CFAP47: variants seen among roughly 807,000 people sequenced by gnomAD.
CFAP47 encodes cilia and flagella associated protein 47.
A neutral mutation model predicts 148.1 loss-of-function variants in CFAP47; 29 were observed. That is an observed-to-expected ratio of 0.20 (90% confidence interval 0.15 to 0.27). CFAP47 has a LOEUF of 0.27. Among genes scored for constraint, CFAP47 ranks in the 10% least tolerant of loss-of-function variants. The probability of loss-of-function intolerance (pLI) is 1.00; values close to 1 mark genes in which losing one functional copy is unlikely to be tolerated. For synonymous variants in CFAP47, 664 were observed against 577.3 expected (o/e 1.15, Z -2.15); for missense variants, 1,872 against 1,697.5 (o/e 1.10, Z -1.81).
chrX:36,238,827 T>C (rs1416654600), intron 48 of CFAP47, among the ~76,000 whole-genome samples: 1 of 111,748 alleles, frequency 8.9e-6, no homozygotes, highest in Admixed American at 9.5e-5. Flanking sequence ...ATCATCTAAA[T>C]ACAAATACCA....
chrX:35,955,957 A>G lies in CFAP47; in HGVS notation c.1175-4A>G. ...ATGTTCAACAGCTATTATTGCTTTT[A>G]CAGGTGAACGATTTCAGAAAGTGGA... is the stretch of plus-strand genomic sequence containing the variant. On this transcript the variant is annotated splice_region_variant and splice_polypyrimidine_tract_variant and intron_variant, in intron 7 of 63. Coordinates refer to ENST00000378653, the MANE Select transcript of CFAP47 (RefSeq NM_001304548.2). 8.3e-7 allele frequency: 1 copy of G among 1,209,578 alleles called. No individual in the cohort carries two copies. The highest frequency in any genetic ancestry group is 2.2e-5 in the Admixed American group (1 of 45,752).
At chrX:36,307,923 C>T (rs147816439) in intron 55 of CFAP47, among the ~76,000 whole-genome samples, 687 of 111,726 alleles carry the variant, frequency 6.1e-3, no homozygotes, top group African/African-American at 0.021. Flanking sequence ...AGGAGACAAA[C>T]AGTGATCCTT....
intron 57 of CFAP47, among the ~76,000 whole-genome samples, chrX:36,333,380 A>T (rs1188112836): frequency 9.0e-6 from 1 of 110,666 alleles, no homozygotes; most frequent in Non-Finnish European, 1.9e-5. Context: ...CTTCCCTGAG[A>T]AGATACTTCT....
At chrX:35,938,550 G>C (rs1935951522) in intron 2 of CFAP47, among the ~76,000 whole-genome samples, 1 of 111,002 alleles carries the variant, frequency 9.0e-6, no homozygotes, top group African/African-American at 3.3e-5. Flanking sequence ...ATAATCAGAT[G>C]AATGGAGCAT....
At chrX:36,358,668 G>A (rs782450000) in intron 60 of CFAP47, among the ~76,000 whole-genome samples, 3 of 111,488 alleles carry the variant, frequency 2.7e-5, no homozygotes, top group South Asian at 3.8e-4. Context: ...GCATTGTCTC[G>A]CTCTTTTCTA....
chrX:36,185,768 A>G (rs1466228265), intron 40 of CFAP47, among the ~76,000 whole-genome samples: 1 of 111,434 alleles, frequency 9.0e-6, no homozygotes, highest in African/African-American at 3.3e-5. Flanking sequence ...TGGCTTGTAG[A>G]TGGCTGCCAT....
intron 16 of CFAP47, chrX:35,989,664 T>C: frequency 5.5e-6 from 5 of 905,337 alleles, no homozygotes; most frequent in Non-Finnish European, 7.4e-6. Flanking sequence ...ACAAAAAGTA[T>C]TTTCAGAGAA....
intron 49 of CFAP47, among the ~76,000 whole-genome samples, chrX:36,255,487 G>A (rs1462459253): frequency 9.0e-6 from 1 of 111,415 alleles, no homozygotes; most frequent in African/African-American, 3.3e-5. Flanking sequence ...TCACAGTACT[G>A]TGTTGATCAG....
At chrX:36,068,055 A>G (rs1937673950) in intron 27 of CFAP47, among the ~76,000 whole-genome samples, 1 of 112,000 alleles carries the variant, frequency 8.9e-6, no homozygotes. Context: ...AAGACCACAC[A>G]TGTTAGCAAG....
intron 61 of CFAP47, among the ~76,000 whole-genome samples, chrX:36,365,119 C>T (rs1193807266): frequency 9.3e-6 from 1 of 107,741 alleles, no homozygotes; most frequent in African/African-American, 3.3e-5. Flanking sequence ...GTTCTTGAAA[C>T]AATGGTCTTG....
chrX:36,001,492 T>C, intron 20 of CFAP47, 121 bp from the exon 21 acceptor site: 1 of 265,863 alleles, frequency 3.8e-6, no homozygotes, highest in Non-Finnish European at 6.7e-6. Context: ...TCAATTTTGC[T>C]AATTAGAATC....
chrX:36,018,448 A>G (rs1162202516), intron 22 of CFAP47, among the ~76,000 whole-genome samples: 2 of 111,940 alleles, frequency 1.8e-5, no homozygotes, highest in Non-Finnish European at 3.8e-5. Context: ...ATCTTAGAGG[A>G]AGGCTTTCAG....
intron 39 of CFAP47, among the ~76,000 whole-genome samples, chrX:36,172,033 C>T (rs1020488777): frequency 9.1e-6 from 1 of 109,830 alleles, no homozygotes; most frequent in African/African-American, 3.3e-5. Context: ...AAGTTGAATT[C>T]CTAGGTATTT....
At chrX:36,146,494 T>G (rs915279404) in intron 36 of CFAP47, among the ~76,000 whole-genome samples, 8 of 111,931 alleles carry the variant, frequency 7.1e-5, no homozygotes, top group African/African-American at 2.6e-4. Flanking sequence ...AAATATACCT[T>G]TCATTTTTCA....
At chrX:35,932,185 A>G (rs1935837615) in intron 2 of CFAP47, among the ~76,000 whole-genome samples, 3 of 108,928 alleles carry the variant, frequency 2.8e-5, no homozygotes, top group Admixed American at 2.0e-4. Flanking sequence ...AGTTGCTTGG[A>G]CTACAAACAT....
At chrX:36,249,115 G>A (rs1468240330) in intron 48 of CFAP47, among the ~76,000 whole-genome samples, 3 of 109,865 alleles carry the variant, frequency 2.7e-5, no homozygotes, top group South Asian at 3.7e-4. Flanking sequence ...ACCTAACTTT[G>A]TATCTTAAGT....
intron 33 of CFAP47, among the ~76,000 whole-genome samples, chrX:36,130,452 G>A (rs1210429760): frequency 9.0e-6 from 1 of 111,015 alleles, no homozygotes; most frequent in Non-Finnish European, 1.9e-5. Context: ...GTGGAGAAAA[G>A]AGAGTCCTTG....
chrX:36,270,610 G>T (rs1940947602), intron 49 of CFAP47, among the ~76,000 whole-genome samples: 1 of 100,648 alleles, frequency 9.9e-6, no homozygotes, highest in Admixed American at 1.1e-4. Flanking sequence ...TGTCTAGTAT[G>T]TATATATTAT....
intron 2 of CFAP47, among the ~76,000 whole-genome samples, chrX:35,933,037 C>G (rs921444758): frequency 8.9e-6 from 1 of 112,146 alleles, no homozygotes; most frequent in Non-Finnish European, 1.9e-5. Flanking sequence ...AGGTATCCAT[C>G]ACCTCAAGCA....
Sources: allele counts gnomAD v4.1 joint callset (sites outside exome capture counted in the v4.1 genomes callset), GRCh38; gene constraint gnomAD v4.1.1; transcripts MANE v1.5; gene names NCBI Gene and HGNC (gene_info 2026-07-23, HGNC 2026-07-21).